Variants in SHOC1 observed in about 807,000 individuals in gnomAD.
SHOC1 encodes the protein shortage in chiasmata 1.
A neutral mutation model predicts 179.2 loss-of-function variants in SHOC1; 136 were observed. The observed-to-expected ratio is 0.76, with a 90% CI of 0.66 to 0.87. SHOC1 has a LOEUF of 0.87. Ranked by LOEUF, SHOC1 falls within the 40% of genes least tolerant of loss-of-function variation. SHOC1 has a pLI of 0.00. For missense variants in SHOC1, 1,538 were observed against 1,700.8 expected (o/e 0.90, Z 1.68); for synonymous variants, 489 against 586.6 (o/e 0.83, Z 2.41).
At chr9:111,770,831 C>T (rs1406640084) in intron 5 of SHOC1, among the ~76,000 whole-genome samples, 1 of 152,020 alleles carries the variant, frequency 6.6e-6, no homozygotes, top group South Asian at 2.1e-4. Flanking sequence ...ATAAGTATAG[C>T]TACTCCTGCT....
intron 1 of SHOC1, among the ~76,000 whole-genome samples, chr9:111,792,349 G>GA (rs1462825886): frequency 1.3e-5 from 2 of 152,110 alleles, no homozygotes; most frequent in African/African-American, 4.8e-5. Context: ...TTGAGAGGCT[G>GA]AGGTGGTGGA....
intron 24 of SHOC1, among the ~76,000 whole-genome samples, chr9:111,698,658 G>A (rs964844105): frequency 1.4e-4 from 19 of 136,046 alleles, no homozygotes; most frequent in Admixed American, 4.8e-4. Context: ...AGGAGGTAGC[G>A]CGTTTGAACT....
chr9:111,770,407 A>G (rs1835555328), intron 5 of SHOC1, among the ~76,000 whole-genome samples: 1 of 152,102 alleles, frequency 6.6e-6, no homozygotes, highest in African/African-American at 2.4e-5. Context: ...TCTATTTTGA[A>G]AATTTTTTCA....
intron 20 of SHOC1, 77 bp downstream of exon 20, chr9:111,706,491 A>G (rs1439760553): frequency 6.3e-6 from 7 of 1,102,700 alleles, no homozygotes; most frequent in East Asian, 2.8e-5. Context: ...GCTTATTTTT[A>G]TCTATAAATC....
intron 5 of SHOC1, among the ~76,000 whole-genome samples, chr9:111,767,119 T>C (rs1233129184): frequency 6.6e-6 from 1 of 152,160 alleles, no homozygotes; most frequent in Admixed American, 6.5e-5. Flanking sequence ...AGTTTGCAAA[T>C]ATTTTCTCCC....
At chr9:111,788,424 T>C (rs1292887785) in intron 2 of SHOC1, among the ~76,000 whole-genome samples, 1 of 152,106 alleles carries the variant, frequency 6.6e-6, no homozygotes, top group Non-Finnish European at 1.5e-5. Flanking sequence ...AACATAAATT[T>C]TATATGCACT....
rs376646027 is a variant in SHOC1 at position 111,699,623 on chromosome 9, A to T, written c.3183+331T>A. ...ATATTACCCTAGTATATGTCTTAAG[A>T]GTTCCATTTACAGCAGATACAAGCT... is the stretch of plus-strand genomic sequence containing the variant. On this transcript the variant is annotated intron_variant, in intron 24 of 27. Transcript: ENST00000682961. 5.9e-4 allele frequency among the ~76,000 whole-genome samples: 90 copies of T among 152,324 alleles called. 3 individuals carry two copies. The South Asian group carries it at 0.018, about 31-fold the overall frequency.
Position 111,694,302 on chromosome 9 carries a change from T to C in SHOC1, c.3244A>G (p.Ser1082Gly), listed in dbSNP as rs1831589416. 1.5e-5 allele frequency: 24 copies of C among 1,611,956 alleles called. No homozygotes were observed. The highest frequency in any genetic ancestry group is 2.0e-5 in the Non-Finnish European group (24 of 1,178,474). ...GGATCTCTCTTTGAGGTCATTAAACTGTGGTCAGCAATTTGTCGAATTATC... is the reference window on the plus strand; with the variant it reads ...GGATCTCTCTTTGAGGTCATTAAACCGTGGTCAGCAATTTGTCGAATTATC... ...ALIIRQIADH[S>G]LMTSKRDPHE... Residue 1082 changes from serine to glycine, a missense_variant, in exon 25 of 28, where the codon AGT (serine) becomes GGT (glycine). Coordinates refer to ENST00000682961, the MANE Select transcript of SHOC1 (RefSeq NM_001378211.1).
At chr9:111,711,024 G>A (rs1166178148) in intron 18 of SHOC1, among the ~76,000 whole-genome samples, 1 of 152,152 alleles carries the variant, frequency 6.6e-6, no homozygotes, top group East Asian at 1.9e-4. Flanking sequence ...AAGGAAAAGA[G>A]TAATTAGAGA....
chr9:111,734,773 T>A (rs986537193), intron 12 of SHOC1, among the ~76,000 whole-genome samples: 2 of 151,656 alleles, frequency 1.3e-5, no homozygotes, highest in Non-Finnish European at 2.9e-5. Context: ...TATACATCTG[T>A]TATATATTTT....
At chr9:111,702,601 T>C (rs10981023) in intron 22 of SHOC1, among the ~76,000 whole-genome samples, 8,681 of 152,274 alleles carry the variant, frequency 0.057, 632 homozygotes, top group African/African-American at 0.17. Flanking sequence ...GATCTGGTCA[T>C]TCTAAAGGCA....
At chr9:111,706,361 T>C (rs117126580) in intron 20 of SHOC1, among the ~76,000 whole-genome samples, 1 of 152,112 alleles carries the variant, frequency 6.6e-6, no homozygotes, top group African/African-American at 2.4e-5. Context: ...TGAAAACATA[T>C]AATTAGTAAA....
intron 3 of SHOC1, 174 bp from the exon 4 acceptor site, chr9:111,781,191 C>T (rs1157406009): frequency 1.7e-6 from 1 of 580,258 alleles, no homozygotes; most frequent in South Asian, 2.2e-5. Context: ...TTATCATCAA[C>T]CTACCCCCGC....
At chr9:111,726,776 T>C (rs1378784427) in intron 13 of SHOC1, among the ~76,000 whole-genome samples, 1 of 152,194 alleles carries the variant, frequency 6.6e-6, no homozygotes, top group African/African-American at 2.4e-5. Context: ...CAACAATGTT[T>C]CTAAACAGAT....
Position 111,771,564 on chromosome 9 carries a change from A to T in SHOC1, c.442+4227T>A, listed in dbSNP as rs530048017. Among the ~76,000 whole-genome samples the T allele has an allele frequency of 2.0e-5, 3 of 152,230 alleles. No homozygotes were observed. In the East Asian group the frequency reaches 5.8e-4, roughly 29 times the overall value. On this transcript the variant is annotated intron_variant, in intron 5 of 27. Transcript: ENST00000682961. ...TGTTGTTTTTTTTCCTTTCAGATTG[A>T]AGAACCCCCTTTACCATTTACTGTA...
At chr9:111,739,236 A>G (rs971361041) in intron 11 of SHOC1, among the ~76,000 whole-genome samples, 2 of 152,134 alleles carry the variant, frequency 1.3e-5, no homozygotes, top group Non-Finnish European at 2.9e-5. Context: ...CTTTCTTTAC[A>G]TGCATTATTC....
chr9:111,720,477 T>C (rs868146701), intron 15 of SHOC1, among the ~76,000 whole-genome samples: 14 of 152,192 alleles, frequency 9.2e-5, no homozygotes, highest in African/African-American at 2.9e-4. Context: ...GATTTTTGCA[T>C]CTGTGGGTTT....
chr9:111,718,308 T>C lies in SHOC1; in HGVS notation c.2132-20A>G, dbSNP rs777758693. ...TTGTACCTAAGTAAGCAAAAATGTATTTTAAAACATAGACTATACATTACA... is the reference window on the plus strand; with the variant it reads ...TTGTACCTAAGTAAGCAAAAATGTACTTTAAAACATAGACTATACATTACA... On this transcript the variant is annotated intron_variant, in intron 15 of 27. Coordinates refer to ENST00000682961, the MANE Select transcript of SHOC1 (RefSeq NM_001378211.1). The C allele has an allele frequency of 4.0e-6, 6 of 1,492,688 alleles. No homozygotes were observed. In the Admixed American group the frequency reaches 1.2e-4, roughly 30 times the overall value. 92.5% of individuals were successfully genotyped at this position (1,492,688 alleles called of 1,614,324 possible). A position where few individuals can be genotyped will look rare whatever the true frequency, so the allele number is the denominator to read the frequency against.
At chr9:111,704,616 G>C (rs772120865) in intron 21 of SHOC1, among the ~76,000 whole-genome samples, 2 of 152,142 alleles carry the variant, frequency 1.3e-5, no homozygotes, top group Non-Finnish European at 2.9e-5. Context: ...CAAAAGCATG[G>C]AACATACATC....
Sources: gnomAD v4.1 joint callset for allele counts (sites outside exome capture counted in the v4.1 genomes callset) on GRCh38, gnomAD v4.1.1 for gene constraint, MANE v1.5 for transcripts, NCBI Gene and HGNC (gene_info 2026-07-23, HGNC 2026-07-21) for gene names.